The following GMDS variants were observed in gnomAD, a reference collection of about 807,000 sequenced individuals.
GMDS encodes GDP-mannose 4,6 dehydratase.
GMDS carries 20 observed loss-of-function variants against 49.9 expected under a neutral mutation model. The observed-to-expected ratio is 0.40, with a 90% CI of 0.28 to 0.58. GMDS has a LOEUF of 0.58. Among genes scored for constraint, GMDS ranks in the 20% least tolerant of loss-of-function variants. The probability of loss-of-function intolerance (pLI) is 0.42; values close to 1 mark genes in which losing one functional copy is unlikely to be tolerated. For synonymous variants in GMDS, 177 were observed against 178.6 expected (o/e 0.99, Z 0.07); for missense variants, 362 against 481.4 (o/e 0.75, Z 2.32).
chr6:1,814,564 CTTCATG>C (rs1244823281), intron 7 of GMDS, among the ~76,000 whole-genome samples: 1 of 152,098 alleles, frequency 6.6e-6, no homozygotes, highest in African/African-American at 2.4e-5. Flanking sequence ...ACCTGAGCAA[CTTCATG>C]TTCATAGTTT....
chr6:2,164,205 T>C (rs557189657), intron 1 of GMDS, among the ~76,000 whole-genome samples: 3 of 152,218 alleles, frequency 2.0e-5, no homozygotes, highest in Non-Finnish European at 4.4e-5. Context: ...TTCAGCCCGA[T>C]ACAACTTCAC....
intron 7 of GMDS, among the ~76,000 whole-genome samples, chr6:1,918,533 C>T (rs1054955830): frequency 6.6e-6 from 1 of 151,498 alleles, no homozygotes; most frequent in African/African-American, 2.4e-5. Flanking sequence ...ATCATTTGAG[C>T]TCTGGAGTTC....
chr6:1,876,557 G>A (rs957838318), intron 7 of GMDS, among the ~76,000 whole-genome samples: 3 of 152,158 alleles, frequency 2.0e-5, no homozygotes, highest in African/African-American at 4.8e-5. Context: ...GAGGGTTCAT[G>A]CCTAGCTCTT....
intron 7 of GMDS, among the ~76,000 whole-genome samples, chr6:1,782,046 G>C (rs1769114945): frequency 6.6e-6 from 1 of 152,080 alleles, no homozygotes; most frequent in African/African-American, 2.4e-5. Flanking sequence ...CTTGAAGCAG[G>C]CTTGAAATAC....
chr6:1,773,999 T>C (rs964817678), intron 7 of GMDS, among the ~76,000 whole-genome samples: 5 of 152,134 alleles, frequency 3.3e-5, no homozygotes, highest in African/African-American at 1.2e-4. Flanking sequence ...AGCACAGAAA[T>C]GACAAACTAT....
intron 7 of GMDS, among the ~76,000 whole-genome samples, chr6:1,927,916 C>G (rs919702508): frequency 2.0e-5 from 3 of 152,192 alleles, no homozygotes; most frequent in Non-Finnish European, 4.4e-5. Flanking sequence ...TAAACACAAC[C>G]TGTAAAAAGC....
chr6:1,957,930 G>T (rs1336581799), intron 6 of GMDS, among the ~76,000 whole-genome samples: 1 of 151,836 alleles, frequency 6.6e-6, no homozygotes, highest in East Asian at 1.9e-4. Flanking sequence ...AGCTTCCCGA[G>T]TAGCTAGGAC....
intron 9 of GMDS, among the ~76,000 whole-genome samples, chr6:1,636,583 TG>T (rs1763155497): frequency 6.6e-6 from 1 of 152,190 alleles, no homozygotes; most frequent in Non-Finnish European, 1.5e-5. Context: ...TGAAGGTGCC[TG>T]GAAGGTTGGT....
At chr6:2,016,869 G>A (rs576915872) in intron 4 of GMDS, among the ~76,000 whole-genome samples, 2 of 152,208 alleles carry the variant, frequency 1.3e-5, no homozygotes, top group South Asian at 4.1e-4. Flanking sequence ...TTAATTGATT[G>A]AAAATTAAAA....
chr6:2,193,566 T>A (rs1164253276), intron 1 of GMDS, among the ~76,000 whole-genome samples: 1 of 152,196 alleles, frequency 6.6e-6, no homozygotes, highest in Non-Finnish European at 1.5e-5. Context: ...ATTTCCTTTT[T>A]CACTGTCATA....
intron 9 of GMDS, among the ~76,000 whole-genome samples, chr6:1,712,172 G>T (rs1765996411): frequency 6.6e-6 from 1 of 152,222 alleles, no homozygotes; most frequent in Non-Finnish European, 1.5e-5. Context: ...GGAAAATTAA[G>T]TCAGATTAAT....
intron 4 of GMDS, among the ~76,000 whole-genome samples, chr6:2,068,150 A>G (rs1339189870): frequency 2.0e-5 from 3 of 151,690 alleles, no homozygotes; most frequent in Non-Finnish European, 2.9e-5. Flanking sequence ...TATAAACAGA[A>G]CCAAAGACAA....
At chr6:1,999,004 C>T (rs1766473329) in intron 4 of GMDS, among the ~76,000 whole-genome samples, 1 of 152,020 alleles carries the variant, frequency 6.6e-6, no homozygotes, top group South Asian at 2.1e-4. Flanking sequence ...GATAATAATT[C>T]TAATTATCCC....
chr6:2,143,483 CTG>C (rs1562094454), intron 1 of GMDS, among the ~76,000 whole-genome samples: 1 of 152,252 alleles, frequency 6.6e-6, no homozygotes, highest in Admixed American at 6.5e-5. Context: ...GATAAACTGA[CTG>C]TGCTACTCTT....
intron 4 of GMDS, among the ~76,000 whole-genome samples, chr6:2,002,883 A>G (rs1440525212): frequency 6.6e-6 from 1 of 152,230 alleles, no homozygotes; most frequent in Non-Finnish European, 1.5e-5. Context: ...AAATCATGCC[A>G]GAAATATCTA....
chr6:2,133,618 C>T (rs1401977935), intron 1 of GMDS, among the ~76,000 whole-genome samples: 15 of 152,264 alleles, frequency 9.9e-5, no homozygotes, highest in South Asian at 2.1e-4. Flanking sequence ...ATCTGCTCTG[C>T]CACTATAGAG....
At chr6:1,858,171 C>T (rs1463622196) in intron 7 of GMDS, among the ~76,000 whole-genome samples, 1 of 151,902 alleles carries the variant, frequency 6.6e-6, no homozygotes, top group Non-Finnish European at 1.5e-5. Context: ...ACATATAAAA[C>T]AGACAAAAAA....
chr6:2,097,259 AC>A, intron 4 of GMDS, among the ~76,000 whole-genome samples: 1 of 152,284 alleles, frequency 6.6e-6, no homozygotes, highest in South Asian at 2.1e-4. Flanking sequence ...ACAAGCCCCC[AC>A]AGAATAATGC....
At chr6:1,771,169 A>G (rs1384128722) in intron 7 of GMDS, among the ~76,000 whole-genome samples, 12 of 152,220 alleles carry the variant, frequency 7.9e-5, no homozygotes, top group Admixed American at 7.8e-4. Context: ...CTAAGCCTGA[A>G]AGTGTGATTA....
Sources: allele counts gnomAD v4.1 joint callset (sites outside exome capture counted in the v4.1 genomes callset), GRCh38; gene constraint gnomAD v4.1.1; transcripts MANE v1.5; gene names NCBI Gene and HGNC (gene_info 2026-07-23, HGNC 2026-07-21).